The following CDKAL1 variants were observed in gnomAD, a reference collection of about 807,000 sequenced individuals.
The protein encoded by CDKAL1 is CDKAL1 threonylcarbamoyladenosine tRNA methylthiotransferase, also known as threonylcarbamoyladenosine tRNA methylthiotransferase.
A neutral mutation model predicts 68.2 loss-of-function variants in CDKAL1; 32 were observed. The observed-to-expected ratio is 0.47, with a 90% CI of 0.35 to 0.63. The LOEUF (loss-of-function observed/expected upper bound fraction) is 0.63. Among genes scored for constraint, CDKAL1 ranks in the 30% least tolerant of loss-of-function variants. CDKAL1 has a pLI of 0.00. For missense variants in CDKAL1, 606 were observed against 696.7 expected, an observed-to-expected ratio of 0.87 and a Z score of 1.47; for synonymous variants, 234 against 244.3, an observed-to-expected ratio of 0.96 and a Z score of 0.39.
chr6:20,613,259 T>C (rs1270142290), intron 4 of CDKAL1, among the ~76,000 whole-genome samples: 4 of 12,218 alleles, frequency 3.3e-4, no homozygotes, highest in Non-Finnish European at 4.8e-4. Context: ...CTTTTTTTTT[T>C]TTTTTTTTTT....
At chr6:21,016,921 C>T (rs542432007) in intron 11 of CDKAL1, among the ~76,000 whole-genome samples, 2 of 152,264 alleles carry the variant, frequency 1.3e-5, no homozygotes, top group African/African-American at 4.8e-5. Context: ...TCCTTCCAAT[C>T]CACCCTTCAC....
intron 10 of CDKAL1, among the ~76,000 whole-genome samples, chr6:20,978,764 A>G (rs921249666): frequency 1.3e-5 from 2 of 152,194 alleles, no homozygotes; most frequent in Non-Finnish European, 2.9e-5. Flanking sequence ...GAAATTAATC[A>G]TCATCCTGTA....
intron 5 of CDKAL1, among the ~76,000 whole-genome samples, chr6:20,713,689 TTTTC>T (rs902835148): frequency 1.3e-5 from 2 of 152,172 alleles, no homozygotes; most frequent in African/African-American, 4.8e-5. Context: ...GACTTAAAAT[TTTTC>T]TTTTTTTTCT....
intron 10 of CDKAL1, among the ~76,000 whole-genome samples, chr6:20,967,347 A>G (rs1010564648): frequency 6.6e-6 from 1 of 152,176 alleles, no homozygotes; most frequent in African/African-American, 2.4e-5. Context: ...CTTTAGTATG[A>G]CATTTTAATT....
chr6:20,710,455 A>G (rs1298192118), intron 5 of CDKAL1, among the ~76,000 whole-genome samples: 2 of 152,180 alleles, frequency 1.3e-5, no homozygotes, highest in Non-Finnish European at 2.9e-5. Flanking sequence ...AGGCTGTACC[A>G]TCTAGATTTG....
chr6:20,598,938 C>G (rs1469276513), intron 4 of CDKAL1, among the ~76,000 whole-genome samples: 1 of 151,930 alleles, frequency 6.6e-6, no homozygotes, highest in African/African-American at 2.4e-5. Context: ...TGGAATGTTA[C>G]AATTTTATTT....
At chr6:21,110,750 G>C (rs967738724) in intron 13 of CDKAL1, among the ~76,000 whole-genome samples, 1 of 152,124 alleles carries the variant, frequency 6.6e-6, no homozygotes, top group Non-Finnish European at 1.5e-5. Flanking sequence ...CTTGAGCGCA[G>C]GAGTTTGAGA....
chr6:21,129,322 AC>A (rs1247151230), intron 13 of CDKAL1, among the ~76,000 whole-genome samples: 2 of 152,110 alleles, frequency 1.3e-5, no homozygotes, highest in African/African-American at 4.8e-5. Context: ...TAAAAAAGAA[AC>A]CTAACCAGCT....
At chr6:21,172,786 C>T (rs1287958109) in intron 13 of CDKAL1, among the ~76,000 whole-genome samples, 1 of 152,044 alleles carries the variant, frequency 6.6e-6, no homozygotes, top group African/African-American at 2.4e-5. Context: ...TTAAAGCTTT[C>T]TTCTCTAGAG....
chr6:20,809,034 G>A (rs996984765), intron 8 of CDKAL1, among the ~76,000 whole-genome samples: 1 of 152,118 alleles, frequency 6.6e-6, no homozygotes, highest in African/African-American at 2.4e-5. Flanking sequence ...CATGCATTTT[G>A]GCTCTATTAA....
chr6:20,678,902 T>G lies in CDKAL1; in HGVS notation c.371+29525T>G, dbSNP rs184229014. On this transcript the variant is annotated intron_variant, in intron 5 of 15. Coordinates refer to ENST00000274695, the MANE Select transcript of CDKAL1 (RefSeq NM_017774.3). Reference sequence around the variant, plus strand: ...ATGCCTGTAGTTTCATTGCCTATGTTTTTGTTTTTGTTTTTGAGACAGGGT... The same window carrying G: ...ATGCCTGTAGTTTCATTGCCTATGTGTTTGTTTTTGTTTTTGAGACAGGGT... Among the ~76,000 whole-genome samples, 113 of 152,288 alleles carry G rather than the reference T, an allele frequency of 7.4e-4. 1 individual carries two copies. The highest frequency in any genetic ancestry group is 1.2e-3 in the South Asian group (6 of 4,822).
intron 5 of CDKAL1, among the ~76,000 whole-genome samples, chr6:20,738,489 T>TTG (rs1342746155): frequency 6.8e-6 from 1 of 147,962 alleles, no homozygotes; most frequent in Non-Finnish European, 1.5e-5. Context: ...TTCTTAGTTT[T>TTG]TTTTTTTTTT....
intron 13 of CDKAL1, among the ~76,000 whole-genome samples, chr6:21,142,664 C>A (rs1042850507): frequency 2.0e-5 from 3 of 152,076 alleles, no homozygotes; most frequent in African/African-American, 7.2e-5. Context: ...ACAATTTGAA[C>A]CAAAAGCATG....
intron 5 of CDKAL1, among the ~76,000 whole-genome samples, chr6:20,655,989 A>G (rs1034811978): frequency 3.9e-5 from 6 of 152,328 alleles, no homozygotes; most frequent in South Asian, 4.1e-4. Context: ...TAGATGAATT[A>G]GATATTATCT....
At chr6:20,674,094 T>C (rs1395019609) in intron 5 of CDKAL1, among the ~76,000 whole-genome samples, 1 of 152,240 alleles carries the variant, frequency 6.6e-6, no homozygotes, top group Non-Finnish European at 1.5e-5. Context: ...TTTTATATTG[T>C]CTTACTGAAC....
intron 4 of CDKAL1, among the ~76,000 whole-genome samples, chr6:20,592,375 C>G (rs1554159029): frequency 6.6e-6 from 1 of 152,022 alleles, no homozygotes; most frequent in Non-Finnish European, 1.5e-5. Context: ...ATTGCCCTGG[C>G]CAGAACTTCT....
intron 6 of CDKAL1, 41 bp downstream of exon 6, chr6:20,739,656 G>A (rs1773359412): frequency 9.1e-7 from 1 of 1,097,268 alleles, no homozygotes; most frequent in South Asian, 1.3e-5. Context: ...ATCTTACATT[G>A]TTAACACCTG....
At chr6:21,066,539 C>G (rs1771448274) in intron 12 of CDKAL1, among the ~76,000 whole-genome samples, 1 of 152,238 alleles carries the variant, frequency 6.6e-6, no homozygotes, top group African/African-American at 2.4e-5. Context: ...TATAGTAGTG[C>G]AACCTACTAC....
At chr6:21,121,790 A>AC (rs1774729139) in intron 13 of CDKAL1, among the ~76,000 whole-genome samples, 1 of 152,356 alleles carries the variant, frequency 6.6e-6, no homozygotes, top group African/African-American at 2.4e-5. Context: ...TTTCCCCAAC[A>AC]CCAAAGCAGT....
Sources: allele counts gnomAD v4.1 joint callset (sites outside exome capture counted in the v4.1 genomes callset), GRCh38; gene constraint gnomAD v4.1.1; transcripts MANE v1.5; gene names NCBI Gene and HGNC (gene_info 2026-07-23, HGNC 2026-07-21).